Variants in CNTNAP3B observed in about 807,000 individuals in gnomAD.
CNTNAP3B encodes contactin associated protein family member 3B, also known as contactin-associated protein-like 3B.
CNTNAP3B carries 25 observed loss-of-function variants against 108.9 expected under a neutral mutation model. That is an observed-to-expected ratio of 0.23 (90% CI 0.17 to 0.32). The LOEUF (loss-of-function observed/expected upper bound fraction) is 0.32, where lower values mean the gene tolerates loss of function less well. Ranked by LOEUF, CNTNAP3B falls within the 10% of genes least tolerant of loss-of-function variation. The probability of loss-of-function intolerance (pLI) is 1.00; values close to 1 mark genes in which losing one functional copy is unlikely to be tolerated. For missense variants in CNTNAP3B, 252 were observed against 1,210.4 expected (o/e 0.21, Z 11.75); for synonymous variants, 103 against 473.4 (o/e 0.22, Z 10.16).
At chr9:41,951,255 A>G (rs1444812170) in intron 13 of CNTNAP3B, among the ~76,000 whole-genome samples, 1 of 141,000 alleles carries the variant, frequency 7.1e-6, no homozygotes, top group African/African-American at 2.7e-5. Flanking sequence ...TTTTTAAATT[A>G]TCTTTTCAAA....
intron 3 of CNTNAP3B, among the ~76,000 whole-genome samples, chr9:42,030,518 TTCTC>T (rs1289188826): frequency 2.3e-5 from 1 of 44,144 alleles, no homozygotes; most frequent in African/African-American, 1.1e-4. Context: ...TGCAGACTGG[TTCTC>T]TCTAACTTAA....
At chr9:41,973,235 C>T (rs1825458447) in intron 9 of CNTNAP3B, among the ~76,000 whole-genome samples, 5 of 145,340 alleles carry the variant, frequency 3.4e-5, no homozygotes, top group East Asian at 2.1e-4. Flanking sequence ...GCATAAGCCA[C>T]AGCGCCCAGC....
rs1485985097 is a variant in CNTNAP3B at position 42,029,677 on chromosome 9, C to A, written c.391-16152G>T. Among the ~76,000 whole-genome samples, 159 of 125,624 alleles carry A rather than the reference C, an allele frequency of 1.3e-3. 12 individuals are homozygous for A. The highest frequency in any genetic ancestry group is 2.3e-4 in the Non-Finnish European group (14 of 60,698). 82.4% of individuals were successfully genotyped at this position (125,624 alleles called of 152,430 possible). A position where few individuals can be genotyped will look rare whatever the true frequency, so the allele number is the denominator to read the frequency against. ...TCCTGAGTAGCTAGGACTACAGGCA[C>A]ATGCCACTATGCCCAGCTAATTGTT... On this transcript the variant is annotated intron_variant, in intron 3 of 23. Transcript: ENST00000377561.
intron 16 of CNTNAP3B, among the ~76,000 whole-genome samples, chr9:41,923,369 G>T (rs1475150596): frequency 1.3e-5 from 2 of 150,986 alleles, no homozygotes; most frequent in East Asian, 1.9e-4. Context: ...TGATGAGTTT[G>T]GTTTAAAGCT....
intron 10 of CNTNAP3B, among the ~76,000 whole-genome samples, chr9:41,968,351 G>A (rs1407713699): frequency 2.8e-5 from 4 of 140,554 alleles, no homozygotes; most frequent in Non-Finnish European, 4.6e-5. Context: ...GAGCAACTTG[G>A]GATTATATTA....
rs1588048980 is a variant in CNTNAP3B, at chr9:41,934,204, C to CAT, written c.2237+4039_2237+4040insAT. 2.1e-3 allele frequency among the ~76,000 whole-genome samples: 281 copies of CAT among 131,578 alleles called. 1 individual carries two copies. The highest frequency in any genetic ancestry group is 7.7e-3 in the African/African-American group (272 of 35,148). The allele number at this position is 131,578 out of a possible 152,430, so 86.3% of individuals were successfully genotyped here. A position where few individuals can be genotyped will look rare whatever the true frequency, so the allele number is the denominator to read the frequency against. On this transcript the variant is annotated intron_variant, in intron 14 of 23. Coordinates refer to ENST00000377561, the MANE Select transcript of CNTNAP3B (RefSeq NM_001201380.3). ...ACACACACACATATATATATACATA[C>CAT]ACACACACACATACTTTTTTTTTTT... is the stretch of plus-strand genomic sequence containing the variant.
chr9:41,969,991 G>T (rs1427494803), intron 10 of CNTNAP3B, 83 bp downstream of exon 10: 48 of 1,241,154 alleles, frequency 3.9e-5, no homozygotes, highest in Non-Finnish European at 4.8e-5. Flanking sequence ...AAAAGAGAAC[G>T]GAATGCCTTT....
In CNTNAP3B at chr9:42,089,677, A is replaced by C. The variant is rs537791091; in HGVS notation, c.197-12615T>G. Among the ~76,000 whole-genome samples the C allele has an allele frequency of 5.7e-3, 827 of 146,146 alleles. 5 individuals are homozygous for C. Among genetic ancestry groups the C allele is most frequent in the African/African-American group, 0.021 (792 of 37,310 alleles). On this transcript the variant is annotated intron_variant, in intron 2 of 23. Coordinates refer to ENST00000377561, the MANE Select transcript of CNTNAP3B (RefSeq NM_001201380.3). ...ATTTTCTCTGCCTCTTAATCACTGAACCTAGTCAGTGTGCCAAGAAAGCAT... is the reference window on the plus strand; with the variant it reads ...ATTTTCTCTGCCTCTTAATCACTGACCCTAGTCAGTGTGCCAAGAAAGCAT...
rs1476182609 is a variant in CNTNAP3B at position 42,127,964 on chromosome 9, G to A, written c.85+1046C>T. Among the ~76,000 whole-genome samples the A allele has an allele frequency of 2.1e-5, 3 of 139,658 alleles. 1 individual carries two copies. The highest frequency in any genetic ancestry group is 5.7e-5 in the African/African-American group (2 of 35,148). 91.6% of individuals were successfully genotyped at this position (139,658 alleles called of 152,430 possible). On this transcript the variant is annotated intron_variant, in intron 1 of 23. Transcript: ENST00000377561. Reference sequence around the variant, plus strand: ...TCTAAATTTCCAAACATGGCCACTAGCATTTATTGGAACTTATTTCGAAAG... The same window carrying A: ...TCTAAATTTCCAAACATGGCCACTAACATTTATTGGAACTTATTTCGAAAG...
In CNTNAP3B at chr9:42,094,213, G is replaced by A. The variant is rs1328848042; in HGVS notation, c.196+10416C>T. 2.9e-5 allele frequency among the ~76,000 whole-genome samples: 4 copies of A among 139,124 alleles called. 1 individual carries two copies. The highest frequency in any genetic ancestry group is 8.5e-5 in the African/African-American group (3 of 35,094). The allele number at this position is 139,124 out of a possible 152,430, so 91.3% of individuals were successfully genotyped here. ...TGATAAATGCTGAGAGCTTTTTAAG[G>A]GAAAGTGCCAGACATATTTAGCATG... On this transcript the variant is annotated intron_variant, in intron 2 of 23. Transcript: ENST00000377561.
Position 42,055,174 on chromosome 9 carries a change from T to C in CNTNAP3B, c.390+21695A>G, listed in dbSNP as rs540523828. On this transcript the variant is annotated intron_variant, in intron 3 of 23. Coordinates refer to ENST00000377561, the MANE Select transcript of CNTNAP3B (RefSeq NM_001201380.3). ...TAATTGAAAAGCCATACGATTCACA[T>C]AGTTCAAACCATATCTACATCCATT... 1.9e-4 allele frequency among the ~76,000 whole-genome samples: 27 copies of C among 139,488 alleles called. 1 individual carries two copies. The highest frequency in any genetic ancestry group is 7.3e-4 in the African/African-American group (26 of 35,414). The allele number at this position is 139,488 out of a possible 152,430, so 91.5% of individuals were successfully genotyped here. A position where few individuals can be genotyped will look rare whatever the true frequency, so the allele number is the denominator to read the frequency against.
chr9:42,097,613 C>A (rs1397878981), intron 2 of CNTNAP3B, among the ~76,000 whole-genome samples: 3 of 139,350 alleles, frequency 2.2e-5, no homozygotes, highest in African/African-American at 8.5e-5. Flanking sequence ...AATGCATTCA[C>A]TGAGATGCCT....
chr9:41,967,884 A>G (rs1221487289), intron 10 of CNTNAP3B, among the ~76,000 whole-genome samples: 11 of 152,278 alleles, frequency 7.2e-5, no homozygotes, highest in African/African-American at 2.7e-4. Context: ...TGATTATTGT[A>G]CACATCATGG....
At chr9:42,034,980 T>C (rs1391969696) in intron 3 of CNTNAP3B, among the ~76,000 whole-genome samples, 1 of 61,054 alleles carries the variant, frequency 1.6e-5, no homozygotes, top group East Asian at 6.0e-4. Context: ...TCCACCTTCG[T>C]CTCCCAGATG....
intron 7 of CNTNAP3B, among the ~76,000 whole-genome samples, chr9:41,995,904 C>T (rs1168854531): frequency 9.1e-5 from 13 of 143,316 alleles, no homozygotes; most frequent in African/African-American, 2.1e-4. Flanking sequence ...GGCATGGTGG[C>T]GGGCGCCTGT....
chr9:42,046,821 G>C lies in CNTNAP3B; in HGVS notation c.390+30048C>G, dbSNP rs1444835583. ...TGGAAGAAAATGCATTGGGTGGGGG[G>C]CTCTAACTACGTACACTTTGAAAAA... On this transcript the variant is annotated intron_variant, in intron 3 of 23. Transcript: ENST00000377561. Among the ~76,000 whole-genome samples, 13 of 94,942 alleles carry C rather than the reference G, an allele frequency of 1.4e-4. 6 individuals are homozygous for C. The highest frequency in any genetic ancestry group is 5.1e-4 in the African/African-American group (13 of 25,276). 62.3% of individuals were successfully genotyped at this position (94,942 alleles called of 152,430 possible).
At chr9:41,956,192 C>A (rs1824852376) in intron 12 of CNTNAP3B, among the ~76,000 whole-genome samples, 1 of 152,190 alleles carries the variant, frequency 6.6e-6, no homozygotes, top group Non-Finnish European at 1.5e-5. Flanking sequence ...CGAGACCATC[C>A]TGGCTAACAT....
intron 10 of CNTNAP3B, among the ~76,000 whole-genome samples, chr9:41,967,437 T>G (rs1362251156): frequency 6.6e-6 from 1 of 151,534 alleles, no homozygotes; most frequent in African/African-American, 2.4e-5. Flanking sequence ...TCCCCAGCCA[T>G]GTGGAACTGT....
At chr9:41,921,304 C>A (rs1324083306) in intron 17 of CNTNAP3B, among the ~76,000 whole-genome samples, 2 of 152,264 alleles carry the variant, frequency 1.3e-5, no homozygotes, top group Non-Finnish European at 2.9e-5. Flanking sequence ...GTCCTCCTTT[C>A]CAGTAGTTTG....
Sources: gnomAD v4.1 joint callset for allele counts (sites outside exome capture counted in the v4.1 genomes callset) on GRCh38, gnomAD v4.1.1 for gene constraint, MANE v1.5 for transcripts, NCBI Gene and HGNC (gene_info 2026-07-23, HGNC 2026-07-21) for gene names.